Variants in TEK observed in about 807,000 individuals in gnomAD.
TEK encodes the protein angiopoietin-1 receptor.
TEK carries 43 observed loss-of-function variants against 131.8 expected under a neutral mutation model. The observed-to-expected ratio is 0.33, with a 90% CI of 0.26 to 0.42. The LOEUF is 0.42. Among genes scored for constraint, TEK ranks in the 10% least tolerant of loss-of-function variants. The pLI is 1.00. For missense variants in TEK, 1,162 were observed against 1,384.4 expected (o/e 0.84, Z 2.55); for synonymous variants, 580 against 491.6 (o/e 1.18, Z -2.38).
At chr9:27,206,116 G>A (rs1009852419) in intron 14 of TEK, among the ~76,000 whole-genome samples, 16 of 152,218 alleles carry the variant, frequency 1.1e-4, no homozygotes, top group African/African-American at 2.9e-4. Context: ...GCCTTACTAC[G>A]AGAGAGAAAG....
intron 19 of TEK, 34 bp from the exon 20 acceptor site, chr9:27,218,743 C>CTGATTGT: frequency 6.2e-7 from 1 of 1,613,384 alleles, no homozygotes; most frequent in Non-Finnish European, 8.5e-7. Flanking sequence ...ACTCTGTTTG[C>CTGATTGT]TGATTGTTGG....
chr9:27,215,465 A>G (rs1825787193), intron 18 of TEK, among the ~76,000 whole-genome samples: 1 of 152,056 alleles, frequency 6.6e-6, no homozygotes, highest in Non-Finnish European at 1.5e-5. Flanking sequence ...ATTGTACTTC[A>G]AAGCATCTGC....
intron 1 of TEK, among the ~76,000 whole-genome samples, chr9:27,144,573 T>C (rs1822846382): frequency 6.6e-6 from 1 of 152,106 alleles, no homozygotes; most frequent in Non-Finnish European, 1.5e-5. Flanking sequence ...ACCTGGCAAA[T>C]GTTTATCTGT....
At chr9:27,167,047 T>C (rs1241231461) in intron 2 of TEK, among the ~76,000 whole-genome samples, 7 of 152,216 alleles carry the variant, frequency 4.6e-5, no homozygotes, top group Non-Finnish European at 1.0e-4. Context: ...TGCCTCCTTA[T>C]GTCACAGAGT....
In TEK at chr9:27,128,662, G is replaced by C. The variant is rs142081749; in HGVS notation, c.52+19020G>C. Among the ~76,000 whole-genome samples, 820 of 152,224 alleles carry C rather than the reference G, an allele frequency of 5.4e-3. 7 individuals carry two copies. Among genetic ancestry groups the C allele is most frequent in the African/African-American group, 0.019 (772 of 41,562 alleles). The stretch of plus-strand genomic sequence containing the variant: ...TCCTTTTTTATTTCATTGAGCAGTG[G>C]TTTGTAGTTCTCCTTGAAGAGGTCC... On this transcript the variant is annotated intron_variant, in intron 1 of 22. Transcript: ENST00000380036.
Position 27,157,919 on chromosome 9 carries a change from T to G in TEK, c.141T>G (p.Ser47=). Residue 47 remains serine (S), a synonymous_variant, in exon 2 of 23, where the codon TCT becomes TCG. Transcript: ENST00000380036. ...AAACATCTCTCACCTGCATTGCCTCTGGGTGGCGCCCCCATGAGCCCATCA... is the reference window on the plus strand; with the variant it reads ...AAACATCTCTCACCTGCATTGCCTCGGGGTGGCGCCCCCATGAGCCCATCA... ...DAETSLTCIA[S]GWRPHEPITI... is the part of the protein sequence containing the mutation. 1 of 1,614,136 alleles carries G rather than the reference T, an allele frequency of 6.2e-7. No individual in the cohort carries two copies. Among genetic ancestry groups the G allele is most frequent in the Non-Finnish European group, 8.5e-7 (1 of 1,180,016 alleles).
chr9:27,126,303 C>T (rs182308533), intron 1 of TEK, among the ~76,000 whole-genome samples: 2 of 152,232 alleles, frequency 1.3e-5, no homozygotes, highest in Admixed American at 1.3e-4. Context: ...GATGGCACTT[C>T]AGCACTAGAC....
At position 27,229,433 on chromosome 9, in the gene TEK, T is replaced by G; in HGVS notation, c.*201T>G. The G allele has an allele frequency of 1.7e-6, 1 of 600,286 alleles. No individual in the cohort carries two copies. Among genetic ancestry groups the G allele is most frequent in the Admixed American group, 2.7e-5 (1 of 36,560 alleles). 37.2% of individuals were successfully genotyped at this position (600,286 alleles called of 1,614,324 possible). On this transcript the variant is annotated 3_prime_UTR_variant, in exon 23 of 23. Transcript: ENST00000380036. The stretch of plus-strand genomic sequence containing the variant: ...CTCTAATAGGACTGTATATACTGTT[T>G]TAAGAATGGGCTGAAATCAGAATGC...
chr9:27,153,059 C>T (rs927308270), intron 1 of TEK, among the ~76,000 whole-genome samples: 1 of 152,156 alleles, frequency 6.6e-6, no homozygotes, highest in Admixed American at 6.5e-5. Flanking sequence ...GATTGTTATG[C>T]TTCACTTGTG....
At chr9:27,227,199 C>G (rs1303098703) in intron 21 of TEK, among the ~76,000 whole-genome samples, 1 of 152,144 alleles carries the variant, frequency 6.6e-6, no homozygotes, top group East Asian at 1.9e-4. Flanking sequence ...AGCATGTGGG[C>G]TCTTGGTCCC....
intron 21 of TEK, among the ~76,000 whole-genome samples, chr9:27,222,176 TAGAGAAAAAATAATGAAAAGGAATG>T (rs1431159327): frequency 6.6e-6 from 1 of 151,950 alleles, no homozygotes; most frequent in African/African-American, 2.4e-5. Flanking sequence ...AAGACAAGAT[TAGAGAAAAAATAATGAAAAGGAATG>T]AACAAAGCCT....
intron 1 of TEK, among the ~76,000 whole-genome samples, chr9:27,114,824 T>G (rs1414890374): frequency 6.6e-6 from 1 of 152,196 alleles, no homozygotes; most frequent in Admixed American, 6.5e-5. Context: ...GATGAGGTAT[T>G]GTATGATTGT....
At chr9:27,221,973 A>G (rs895121513) in intron 21 of TEK, among the ~76,000 whole-genome samples, 1 of 152,234 alleles carries the variant, frequency 6.6e-6, no homozygotes, top group Admixed American at 6.5e-5. Context: ...AACCCAATGC[A>G]AGGAAGCTAA....
At chr9:27,146,114 A>G (rs1365830461) in intron 1 of TEK, among the ~76,000 whole-genome samples, 2 of 152,174 alleles carry the variant, frequency 1.3e-5, no homozygotes, top group Admixed American at 1.3e-4. Flanking sequence ...ATGCAAACTT[A>G]TAATACCCTA....
chr9:27,225,417 G>A (rs1027445201), intron 21 of TEK, among the ~76,000 whole-genome samples: 1 of 152,082 alleles, frequency 6.6e-6, no homozygotes, highest in African/African-American at 2.4e-5. Context: ...ACAAGACAGA[G>A]GCCTCAGGAA....
chr9:27,185,097 A>G (rs958018358), intron 8 of TEK, among the ~76,000 whole-genome samples: 2 of 151,546 alleles, frequency 1.3e-5, no homozygotes, highest in Non-Finnish European at 2.9e-5. Flanking sequence ...TTTTTCCAGT[A>G]CTCCCCACTT....
At chr9:27,224,522 A>G (rs1432702874) in intron 21 of TEK, among the ~76,000 whole-genome samples, 1 of 152,194 alleles carries the variant, frequency 6.6e-6, no homozygotes, top group Non-Finnish European at 1.5e-5. Flanking sequence ...ATGTATCTCA[A>G]TAGATGGAGA....
Position 27,218,697 on chromosome 9 carries a change from G to C in TEK, c.3063-80G>C, listed in dbSNP as rs1279775989. The C allele has an allele frequency of 1.6e-5, 23 of 1,465,850 alleles. No individual in the cohort carries two copies. In the East Asian group the frequency reaches 5.0e-4, roughly 32 times the overall value. The allele number at this position is 1,465,850 out of a possible 1,614,324, so 90.8% of individuals were successfully genotyped here. A position where few individuals can be genotyped will look rare whatever the true frequency, so the allele number is the denominator to read the frequency against. On this transcript the variant is annotated intron_variant, in intron 19 of 22. Coordinates refer to ENST00000380036, the MANE Select transcript of TEK (RefSeq NM_000459.5). ...CATCTCCTTTTCTCAGAAAGGGTGGGTCTCCCTGGCTTTTGGGGCCGGAAA... is the reference window on the plus strand; with the variant it reads ...CATCTCCTTTTCTCAGAAAGGGTGGCTCTCCCTGGCTTTTGGGGCCGGAAA...
At chr9:27,178,065 G>A (rs948996928) in intron 6 of TEK, among the ~76,000 whole-genome samples, 14 of 151,980 alleles carry the variant, frequency 9.2e-5, no homozygotes, top group African/African-American at 2.2e-4. Context: ...AGCTTTTCCC[G>A]TCTGTTTTCT....
Sources: allele counts gnomAD v4.1 joint callset (sites outside exome capture counted in the v4.1 genomes callset), GRCh38; gene constraint gnomAD v4.1.1; transcripts MANE v1.5; gene names NCBI Gene and HGNC (gene_info 2026-07-23, HGNC 2026-07-21).